The following ATXN1 variants were observed in gnomAD, a reference collection of about 807,000 sequenced individuals.
ATXN1 encodes the protein ataxin-1.
ATXN1 carries 8 observed loss-of-function variants against 56.4 expected under a neutral mutation model. That is an observed-to-expected ratio of 0.14 (90% CI 0.08 to 0.26). ATXN1 has a LOEUF of 0.26. Among genes scored for constraint, ATXN1 ranks in the 10% least tolerant of loss-of-function variants. ATXN1 has a pLI of 1.00. For synonymous variants in ATXN1, 514 were observed against 494.6 expected (o/e 1.04, Z -0.52); for missense variants, 987 against 1,106.5 (o/e 0.89, Z 1.53).
chr6:16,694,896 T>C (rs1031955092), intron 2 of ATXN1, among the ~76,000 whole-genome samples: 3 of 152,210 alleles, frequency 2.0e-5, no homozygotes, highest in African/African-American at 7.2e-5. Flanking sequence ...TTCCCTCCTG[T>C]TCTTAGTTCT....
intron 5 of ATXN1, among the ~76,000 whole-genome samples, chr6:16,509,878 C>A (rs1033704698): frequency 1.3e-5 from 2 of 152,184 alleles, no homozygotes; most frequent in Non-Finnish European, 2.9e-5. Flanking sequence ...CCATCACAGG[C>A]ATACGGGTGG....
intron 5 of ATXN1, among the ~76,000 whole-genome samples, chr6:16,513,129 T>C (rs909454208): frequency 3.3e-5 from 5 of 152,208 alleles, no homozygotes; most frequent in African/African-American, 1.2e-4. Context: ...ACTAATCTCA[T>C]GTATGCATTT....
At chr6:16,544,467 T>C (rs1761775945) in intron 4 of ATXN1, among the ~76,000 whole-genome samples, 1 of 152,218 alleles carries the variant, frequency 6.6e-6, no homozygotes, top group South Asian at 2.1e-4. Flanking sequence ...CTTAAAATCC[T>C]GGGTGTAGCT....
chr6:16,727,337 C>T (rs1419314437), intron 2 of ATXN1, among the ~76,000 whole-genome samples: 1 of 151,978 alleles, frequency 6.6e-6, no homozygotes, highest in East Asian at 1.9e-4. Context: ...ATAAATAATT[C>T]CAAAGTGAGG....
Position 16,427,846 on chromosome 6 carries a change from T to C in ATXN1, c.-161+58126A>G, listed in dbSNP as rs550441684. Among the ~76,000 whole-genome samples the C allele has an allele frequency of 6.6e-5, 10 of 152,178 alleles. No individual in the cohort carries two copies. In the East Asian group the frequency reaches 7.7e-4, roughly 12 times the overall value. On this transcript the variant is annotated intron_variant, in intron 6 of 7. Coordinates refer to ENST00000436367, the MANE Select transcript of ATXN1 (RefSeq NM_001128164.2). ...GAAAGATGATTGAAAATGTATTCCA[T>C]AGGGCTCTAGGGTTGTCTTGAAATG...
chr6:16,459,633 C>T (rs573493216), intron 6 of ATXN1, among the ~76,000 whole-genome samples: 16 of 152,336 alleles, frequency 1.1e-4, no homozygotes, highest in African/African-American at 3.1e-4. Flanking sequence ...CTTCTGCGTT[C>T]CTCTGCACTT....
chr6:16,735,811 A>G (rs1182585562), intron 2 of ATXN1, among the ~76,000 whole-genome samples: 1 of 152,212 alleles, frequency 6.6e-6, no homozygotes, highest in Non-Finnish European at 1.5e-5. Context: ...CAACAGTGCG[A>G]GACTCCATCT....
At chr6:16,599,232 T>C (rs1762870224) in intron 3 of ATXN1, among the ~76,000 whole-genome samples, 1 of 152,134 alleles carries the variant, frequency 6.6e-6, no homozygotes, top group African/African-American at 2.4e-5. Context: ...CCTTCCAAGG[T>C]ATGAACCAAG....
At chr6:16,502,711 G>GA (rs1760907427) in intron 5 of ATXN1, among the ~76,000 whole-genome samples, 1 of 152,210 alleles carries the variant, frequency 6.6e-6, no homozygotes, top group African/African-American at 2.4e-5. Flanking sequence ...AGAAAACTCA[G>GA]AAAAAATAAT....
At chr6:16,542,449 G>A (rs1561747347) in intron 4 of ATXN1, among the ~76,000 whole-genome samples, 1 of 152,212 alleles carries the variant, frequency 6.6e-6, no homozygotes, top group Admixed American at 6.5e-5. Context: ...GGTCTTGACA[G>A]CCTTAATTCA....
intron 3 of ATXN1, among the ~76,000 whole-genome samples, chr6:16,630,050 C>T (rs1763478690): frequency 6.6e-6 from 1 of 152,154 alleles, no homozygotes. Flanking sequence ...GAAAATGCTT[C>T]CCAAGGGCCT....
At chr6:16,576,098 T>TA (rs11313002) in intron 4 of ATXN1, among the ~76,000 whole-genome samples, 404 of 144,934 alleles carry the variant, frequency 2.8e-3, no homozygotes, top group African/African-American at 7.7e-3. Context: ...ACAGCTAAGG[T>TA]AAAAAAAAAA....
chr6:16,620,262 AACACACACACACACACACACACAC>A (rs60586256), intron 3 of ATXN1, among the ~76,000 whole-genome samples: 1 of 137,410 alleles, frequency 7.3e-6, no homozygotes, highest in South Asian at 2.4e-4. Flanking sequence ...CTGTCTCTCA[AACACACACACACACACACACACAC>A]ACACACACAC....
chr6:16,659,081 G>C (rs986383714), intron 2 of ATXN1, among the ~76,000 whole-genome samples: 1 of 152,132 alleles, frequency 6.6e-6, no homozygotes, highest in Non-Finnish European at 1.5e-5. Flanking sequence ...AAATTCCTGG[G>C]AACACTAAAA....
chr6:16,360,510 A>G (rs1761786618), intron 6 of ATXN1, among the ~76,000 whole-genome samples: 1 of 152,188 alleles, frequency 6.6e-6, no homozygotes, highest in Admixed American at 6.5e-5. Flanking sequence ...CACGAAGCAA[A>G]TGCTTGAATA....
At position 16,631,925 on chromosome 6, in the gene ATXN1, G is replaced by C. The variant is rs910412499; in HGVS notation, c.-489+25851C>G. On this transcript the variant is annotated intron_variant, in intron 3 of 7. Transcript: ENST00000436367. ...CTCGAAAATAGGGCATGTGATGTTA[G>C]AGCTGGTTTAGAATCCATGCTCCAC... Among the ~76,000 whole-genome samples, 9 of 152,306 alleles carry C rather than the reference G, an allele frequency of 5.9e-5. No individual in the cohort carries two copies. The South Asian group carries it at 1.2e-3, about 21-fold the overall frequency.
chr6:16,631,724 A>C (rs906791726), intron 3 of ATXN1, among the ~76,000 whole-genome samples: 6 of 152,214 alleles, frequency 3.9e-5, no homozygotes, highest in Non-Finnish European at 8.8e-5. Flanking sequence ...CAAAACTCCC[A>C]TCTCAGCCAC....
intron 6 of ATXN1, among the ~76,000 whole-genome samples, chr6:16,438,171 C>T (rs961164659): frequency 6.6e-6 from 1 of 152,208 alleles, no homozygotes; most frequent in Non-Finnish European, 1.5e-5. Context: ...CTTAGGCTGG[C>T]TGAGCTGGCT....
chr6:16,713,342 T>C (rs1311978248), intron 2 of ATXN1, among the ~76,000 whole-genome samples: 3 of 152,232 alleles, frequency 2.0e-5, no homozygotes, highest in Non-Finnish European at 4.4e-5. Flanking sequence ...AAAATTAGCT[T>C]ACTCACTGAA....
Sources: gnomAD v4.1 joint callset for allele counts (sites outside exome capture counted in the v4.1 genomes callset) on GRCh38, gnomAD v4.1.1 for gene constraint, MANE v1.5 for transcripts, NCBI Gene and HGNC (gene_info 2026-07-23, HGNC 2026-07-21) for gene names.